The following LAMA3 variants were observed in gnomAD, a reference collection of about 807,000 sequenced individuals.
LAMA3 encodes the protein laminin subunit alpha 3.
LAMA3 carries 281 observed loss-of-function variants against 402.0 expected under a neutral mutation model. The observed-to-expected ratio is 0.70, with a 90% CI of 0.63 to 0.77. The LOEUF (loss-of-function observed/expected upper bound fraction) is 0.77. Among genes scored for constraint, LAMA3 ranks in the 30% least tolerant of loss-of-function variants. LAMA3 has a pLI of 0.00. For missense variants in LAMA3, 3,840 were observed against 4,215.5 expected, an observed-to-expected ratio of 0.91 and a Z score of 2.47; for synonymous variants, 1,431 against 1,558.4, an observed-to-expected ratio of 0.92 and a Z score of 1.93.
intron 32 of LAMA3, among the ~76,000 whole-genome samples, chr18:23,850,164 A>T (rs2063911267): frequency 6.6e-6 from 1 of 152,256 alleles, no homozygotes; most frequent in Non-Finnish European, 1.5e-5. Context: ...ATTCTTTCAC[A>T]GTCTTGTCCT....
chr18:23,810,529 G>C (rs759883290), intron 13 of LAMA3, 26 bp downstream of exon 13: 1 of 1,613,596 alleles, frequency 6.2e-7, no homozygotes, highest in Non-Finnish European at 8.5e-7. Context: ...GATTGCTAGA[G>C]GGCTGGTTCC....
chr18:23,914,592 A>G, intron 57 of LAMA3, 31 bp downstream of exon 57: 1 of 1,613,032 alleles, frequency 6.2e-7, no homozygotes, highest in South Asian at 1.1e-5. Context: ...ACCTGTGCTC[A>G]CCAAACTTCC....
chr18:23,815,393 G>A (rs964355520), intron 16 of LAMA3, 75 bp from the exon 17 acceptor site: 28 of 1,415,982 alleles, frequency 2.0e-5, no homozygotes, highest in Admixed American at 1.7e-4. Context: ...TATACAGTGA[G>A]GCAGTTTTCA....
At chr18:23,741,229 A>G (rs569158185) in intron 2 of LAMA3, among the ~76,000 whole-genome samples, 3 of 152,122 alleles carry the variant, frequency 2.0e-5, no homozygotes, top group Admixed American at 6.5e-5. Flanking sequence ...AGAGCCAAGC[A>G]TACTCTTTCT....
intron 18 of LAMA3, among the ~76,000 whole-genome samples, chr18:23,818,227 C>T (rs779595337): frequency 5.3e-5 from 8 of 152,170 alleles, no homozygotes; most frequent in Admixed American, 3.3e-4. Context: ...TGAGCTTCTC[C>T]GCTACTTAAC....
At chr18:23,880,690 A>G (rs1271316257) in intron 39 of LAMA3, among the ~76,000 whole-genome samples, 1 of 152,214 alleles carries the variant, frequency 6.6e-6, no homozygotes, top group Non-Finnish European at 1.5e-5. Context: ...CATCCTGACC[A>G]ACATGGTGAA....
intron 39 of LAMA3, among the ~76,000 whole-genome samples, chr18:23,881,153 A>C (rs1422160223): frequency 2.6e-5 from 4 of 152,220 alleles, no homozygotes; most frequent in African/African-American, 9.7e-5. Context: ...GTTTTGTCTC[A>C]ATAGACCACT....
At chr18:23,890,446 T>C (rs1849596288) in intron 42 of LAMA3, among the ~76,000 whole-genome samples, 1 of 152,144 alleles carries the variant, frequency 6.6e-6, no homozygotes, top group South Asian at 2.1e-4. Flanking sequence ...AGATCTCCCT[T>C]TGATATTGTA....
intron 2 of LAMA3, among the ~76,000 whole-genome samples, chr18:23,734,876 G>A (rs894523681): frequency 9.9e-5 from 15 of 152,188 alleles, no homozygotes; most frequent in African/African-American, 2.4e-4. Flanking sequence ...GGATCTGGAC[G>A]GCCAGCAGGA....
intron 2 of LAMA3, among the ~76,000 whole-genome samples, chr18:23,745,440 T>G (rs1236793747): frequency 6.6e-6 from 1 of 152,200 alleles, no homozygotes; most frequent in African/African-American, 2.4e-5. Context: ...CCCTGGGCTC[T>G]CTAGAATAGA....
At chr18:23,719,220 C>T (rs775982212) in intron 2 of LAMA3, among the ~76,000 whole-genome samples, 4 of 152,160 alleles carry the variant, frequency 2.6e-5, no homozygotes, top group Admixed American at 6.5e-5. Flanking sequence ...TCCAGATGGA[C>T]ATAGTGGTTC....
At chr18:23,810,195 G>T (rs2063040162) in intron 12 of LAMA3, among the ~76,000 whole-genome samples, 171 bp from the exon 13 acceptor site, 1 of 152,172 alleles carries the variant, frequency 6.6e-6, no homozygotes, top group Non-Finnish European at 1.5e-5. Flanking sequence ...AGAAACTGAG[G>T]CTTAGAGCAG....
intron 70 of LAMA3, among the ~76,000 whole-genome samples, chr18:23,949,050 C>G (rs1395163060): frequency 6.6e-6 from 1 of 152,078 alleles, no homozygotes; most frequent in East Asian, 1.9e-4. Context: ...CAGAACACAC[C>G]TGGTGTATAA....
At position 23,907,819 on chromosome 18, in the gene LAMA3, A is replaced by G. The variant is rs778378260; in HGVS notation, c.6899A>G (p.Asp2300Gly). Residue 2300 changes from aspartate (D) to glycine (G), a missense_variant, in exon 54 of 75, where the codon GAT (aspartate) becomes GGT (glycine). By Grantham distance (94) the Asp-to-Gly change is moderately conservative. This residue lies in a region of LAMA3 where 891 missense variants were observed against 857.5 expected (regional missense o/e 1.04). Transcript: ENST00000313654. ...SMVRKANDIT[D>G]EVLDGLNPIQ... ...GTCAGAAAGGCCAACGACATCACAG[A>G]TGAGGTTCTGGATGGGCTCAACCCC... 1.2e-6 allele frequency: 2 copies of G among 1,614,204 alleles called. No individual in the cohort carries two copies. Among genetic ancestry groups the G allele is most frequent in the South Asian group, 2.2e-5 (2 of 91,084 alleles).
chr18:23,950,968 G>A (rs996498604), intron 72 of LAMA3, among the ~76,000 whole-genome samples: 3 of 152,158 alleles, frequency 2.0e-5, no homozygotes, highest in Non-Finnish European at 2.9e-5. Context: ...ATCAAGACCC[G>A]ATGACCTTCA....
At position 23,750,943 on chromosome 18, in the gene LAMA3, G is replaced by A. The variant is rs527373647; in HGVS notation, c.710G>A (p.Arg237His). 83 of 1,613,826 alleles carry A rather than the reference G, an allele frequency of 5.1e-5. No individual in the cohort carries two copies. In the East Asian group the frequency reaches 1.6e-3, roughly 31 times the overall value. ...GEVVVSLING[R>H]PGAKNFTFSH... is the part of the protein sequence containing the mutation. Reference sequence around the variant, plus strand: ...GTTGTGGTGTCCTTGATAAACGGTCGTCCAGGTGCAAAAAATTTTACTTTC... The same window carrying A: ...GTTGTGGTGTCCTTGATAAACGGTCATCCAGGTGCAAAAAATTTTACTTTC... The change falls in exon 5 of 75, where the codon CGT (arginine) becomes CAT (histidine). Residue 237 changes from arginine to histidine, a missense_variant. This residue lies in a region of LAMA3 where 2,109 missense variants were observed against 2,376.0 expected (regional missense o/e 0.89). Coordinates refer to ENST00000313654, the MANE Select transcript of LAMA3 (RefSeq NM_198129.4).
chr18:23,880,851 C>T (rs537461145), intron 39 of LAMA3, among the ~76,000 whole-genome samples: 25 of 152,140 alleles, frequency 1.6e-4, no homozygotes, highest in Non-Finnish European at 2.5e-4. Flanking sequence ...CACTCCAGCC[C>T]GGGCGACAGC....
intron 10 of LAMA3, 95 bp downstream of exon 10, chr18:23,776,018 G>A: frequency 7.2e-7 from 1 of 1,383,420 alleles, no homozygotes; most frequent in Non-Finnish European, 1.0e-6. Context: ...GGTAGGGAAG[G>A]AGAGACAGAA....
intron 12 of LAMA3, among the ~76,000 whole-genome samples, chr18:23,791,607 G>A (rs930068340): frequency 2.0e-5 from 3 of 151,890 alleles, no homozygotes; most frequent in African/African-American, 7.3e-5. Context: ...CGTGGTGCAT[G>A]CCTGTATTTC....
Sources: gnomAD v4.1 joint callset for allele counts (sites outside exome capture counted in the v4.1 genomes callset) on GRCh38, gnomAD v4.1.1 for gene constraint, gnomAD v4.1.1 regional missense constraint, MANE v1.5 for transcripts, NCBI Gene and HGNC (gene_info 2026-07-23, HGNC 2026-07-21) for gene names.